UBR1: variants seen among roughly 807,000 people sequenced by gnomAD.
UBR1 encodes E3 ubiquitin-protein ligase UBR1.
Under a neutral mutation model 242.1 loss-of-function variants are expected in UBR1, and 102 were observed. That is an observed-to-expected ratio of 0.42 (90% CI 0.36 to 0.50). The LOEUF is 0.50. Ranked by LOEUF, UBR1 falls within the 20% of genes least tolerant of loss-of-function variation. The probability of loss-of-function intolerance (pLI) is 0.01; values close to 1 mark genes in which losing one functional copy is unlikely to be tolerated. For missense variants in UBR1, 1,772 were observed against 2,101.8 expected (o/e 0.84, Z 3.07); for synonymous variants, 675 against 684.8 (o/e 0.99, Z 0.22).
intron 45 of UBR1, 121 bp from the exon 46 acceptor site, chr15:42,950,484 C>G (rs759852249): frequency 4.0e-5 from 31 of 774,362 alleles, no homozygotes; most frequent in Non-Finnish European, 6.8e-5. Context: ...AGTAAAAAGA[C>G]AATATAAACA....
intron 39 of UBR1, among the ~76,000 whole-genome samples, chr15:42,974,147 C>CA (rs1455799676): frequency 6.6e-6 from 1 of 152,178 alleles, no homozygotes; most frequent in Non-Finnish European, 1.5e-5. Context: ...CTCAGCCTCC[C>CA]AAAGTGCAGG....
intron 35 of UBR1, 71 bp downstream of exon 35, chr15:42,988,748 A>G: frequency 6.3e-7 from 1 of 1,594,902 alleles, no homozygotes; most frequent in Non-Finnish European, 8.6e-7. Flanking sequence ...AGTGAAAAAA[A>G]GAATTTAAGA....
chr15:42,968,366 G>A (rs1416127875), intron 40 of UBR1, among the ~76,000 whole-genome samples: 1 of 151,168 alleles, frequency 6.6e-6, no homozygotes, highest in Admixed American at 6.6e-5. Context: ...ACAAAGTCAT[G>A]CTAAAAGCCC....
intron 14 of UBR1, among the ~76,000 whole-genome samples, chr15:43,046,871 T>C (rs926422151): frequency 2.0e-5 from 3 of 152,152 alleles, no homozygotes; most frequent in African/African-American, 7.2e-5. Flanking sequence ...ATGGTCCTCA[T>C]TATATTATTA....
chr15:42,974,132 C>CA (rs1409259516), intron 39 of UBR1, among the ~76,000 whole-genome samples: 1 of 152,182 alleles, frequency 6.6e-6, no homozygotes, highest in Non-Finnish European at 1.5e-5. Flanking sequence ...TCGTGATCTA[C>CA]ACGCCTCAGC....
intron 29 of UBR1, among the ~76,000 whole-genome samples, 184 bp downstream of exon 29, chr15:43,015,504 G>GCGGAAGGC (rs1444910979): frequency 1.3e-5 from 2 of 152,094 alleles, no homozygotes; most frequent in Non-Finnish European, 2.9e-5. Context: ...CACAAACACT[G>GCGGAAGGC]CGGAAGGCCG....
At chr15:43,025,756 C>G (rs1178628376) in intron 23 of UBR1, 1 of 262,312 alleles carries the variant, frequency 3.8e-6, no homozygotes, top group African/African-American at 2.2e-5. Flanking sequence ...CCTTAACTAA[C>G]TGATCAAACT....
Position 42,966,261 on chromosome 15 carries a change from A to G in UBR1, c.4483T>C (p.Trp1495Arg). 1 of 1,614,192 alleles carries G rather than the reference A, an allele frequency of 6.2e-7. No homozygotes were observed. Among genetic ancestry groups the G allele is most frequent in the Non-Finnish European group, 8.5e-7 (1 of 1,180,038 alleles). ...TTCTTCAGTGAGACCCACAAATACC[A>G]GCCAGGAATATCACACCCAATGGAG... ...SGSIGCDIPG[W>R]YLWVSLKNGI... Residue 1495 changes from tryptophan to arginine, a missense_variant, in exon 41 of 47, where the codon TGG becomes CGG. Physicochemically the swap from Trp to Arg is moderately radical, Grantham distance 101. Coordinates refer to ENST00000290650, the MANE Select transcript of UBR1 (RefSeq NM_174916.3).
intron 14 of UBR1, among the ~76,000 whole-genome samples, chr15:43,045,596 T>C (rs1480513244): frequency 6.6e-6 from 1 of 152,038 alleles, no homozygotes; most frequent in Non-Finnish European, 1.5e-5. Flanking sequence ...AACTAAGTGG[T>C]AGAAATACAA....
At chr15:42,946,949 A>C (rs2141246321) in intron 46 of UBR1, among the ~76,000 whole-genome samples, 1 of 152,236 alleles carries the variant, frequency 6.6e-6, no homozygotes, top group East Asian at 1.9e-4. Flanking sequence ...GGAGTTCGAG[A>C]CCAGTCTGGC....
intron 3 of UBR1, among the ~76,000 whole-genome samples, chr15:43,076,076 C>G (rs1179868316): frequency 1.3e-5 from 2 of 152,002 alleles, no homozygotes; most frequent in East Asian, 1.9e-4. Flanking sequence ...ACCTCCCCGC[C>G]TGATTCTCCT....
At chr15:43,004,116 G>A (rs1377941436) in intron 30 of UBR1, among the ~76,000 whole-genome samples, 186 bp from the exon 31 acceptor site, 1 of 152,166 alleles carries the variant, frequency 6.6e-6, no homozygotes, top group Non-Finnish European at 1.5e-5. Context: ...TGTCAGATAT[G>A]ATTCTAAAAT....
intron 44 of UBR1, among the ~76,000 whole-genome samples, chr15:42,957,334 C>T (rs148489024): frequency 1.3e-3 from 191 of 152,092 alleles, no homozygotes; most frequent in African/African-American, 4.5e-3. Flanking sequence ...TCCATAGAGA[C>T]AGAAAGTAGA....
At chr15:43,065,734 C>T (rs549430204) in intron 6 of UBR1, among the ~76,000 whole-genome samples, 2 of 152,204 alleles carry the variant, frequency 1.3e-5, no homozygotes, top group South Asian at 4.1e-4. Flanking sequence ...TGATGTTGAG[C>T]TTTTTTTCAT....
intron 40 of UBR1, 42 bp downstream of exon 40, chr15:42,970,478 T>C (rs2032185952): frequency 1.9e-6 from 3 of 1,573,866 alleles, no homozygotes; most frequent in African/African-American, 2.7e-5. Context: ...GAACAAGAAA[T>C]GGAATTATTA....
intron 32 of UBR1, among the ~76,000 whole-genome samples, chr15:43,000,260 T>G (rs184769482): frequency 6.6e-6 from 1 of 152,184 alleles, no homozygotes; most frequent in Non-Finnish European, 1.5e-5. Flanking sequence ...AGTAACAGAA[T>G]TGTTACTATA....
intron 40 of UBR1, among the ~76,000 whole-genome samples, chr15:42,969,440 C>T (rs1175513934): frequency 2.0e-5 from 3 of 152,128 alleles, no homozygotes; most frequent in African/African-American, 7.2e-5. Flanking sequence ...GGATAGATTG[C>T]AAAAATTTTT....
intron 3 of UBR1, among the ~76,000 whole-genome samples, chr15:43,081,628 T>C (rs1391032088): frequency 6.6e-6 from 1 of 152,148 alleles, no homozygotes; most frequent in East Asian, 1.9e-4. Flanking sequence ...TGATGAAGTG[T>C]CTATTCAGAT....
intron 2 of UBR1, among the ~76,000 whole-genome samples, chr15:43,084,504 T>C (rs1374731894): frequency 6.6e-6 from 1 of 152,244 alleles, no homozygotes; most frequent in Non-Finnish European, 1.5e-5. Context: ...TTGCCCAGGC[T>C]GGAGTGCAGT....
Sources: allele counts gnomAD v4.1 joint callset (sites outside exome capture counted in the v4.1 genomes callset), GRCh38; gene constraint gnomAD v4.1.1; transcripts MANE v1.5; gene names NCBI Gene and HGNC (gene_info 2026-07-23, HGNC 2026-07-21).